The following TRHR variants were observed in gnomAD, a reference collection of about 807,000 sequenced individuals.
TRHR encodes the protein thyrotropin releasing hormone receptor.
In TRHR, 14 loss-of-function variants were observed where a neutral mutation model predicts 28.0. The ratio of observed to expected loss-of-function variants is 0.50; its 90% CI spans 0.33 to 0.78. The LOEUF (loss-of-function observed/expected upper bound fraction) is 0.78. Ranked by LOEUF, TRHR falls within the 30% of genes least tolerant of loss-of-function variation. The pLI, the probability that TRHR is intolerant of heterozygous loss-of-function variation, is 0.02. For missense variants in TRHR, 438 were observed against 469.5 expected (o/e 0.93, Z 0.62); for synonymous variants, 176 against 171.9 (o/e 1.02, Z -0.18).
In TRHR at chr8:109,119,299, C is replaced by A. The variant is rs779373913; in HGVS notation, c.1041C>A (p.Asn347Lys). Residue 347 changes from asparagine to lysine, a missense_variant, in exon 3 of 3, where the codon AAC becomes AAA. Transcript: ENST00000518632. ...AGAAGCCAACAGAGAAACCTGCTAA[C>A]TACAGTGTGGCCCTAAATTACAGCG... ...CKQKPTEKPANYSVALNYSVI... is the reference protein window; with the variant it reads ...CKQKPTEKPAKYSVALNYSVI... The A allele has an allele frequency of 6.2e-7, 1 of 1,612,732 alleles. No homozygotes were observed. The highest frequency in any genetic ancestry group is 1.7e-5 in the Admixed American group (1 of 59,860).
chr8:109,104,700 T>G lies in TRHR; in HGVS notation c.790-14348T>G, dbSNP rs1247560374. On this transcript the variant is annotated intron_variant, in intron 2 of 2. Transcript: ENST00000518632. The stretch of plus-strand genomic sequence containing the variant: ...ACAAATTCTAAAGATGAGGCAACAT[T>G]GCAGACTCTTCAGAGAGCATAGTTT... Among the ~76,000 whole-genome samples, 3 of 152,126 alleles carry G rather than the reference T, an allele frequency of 2.0e-5. No homozygotes were observed. The East Asian group carries it at 5.8e-4, about 29-fold the overall frequency.
Position 109,086,877 on chromosome 8 carries a change from G to A in TRHR, c.-95G>A, listed in dbSNP as rs1318826096. 1 of 155,200 alleles carries A rather than the reference G, an allele frequency of 6.4e-6. No homozygotes were observed. Among genetic ancestry groups the A allele is most frequent in the Non-Finnish European group, 1.4e-5 (1 of 70,122 alleles). The allele number at this position is 155,200 out of a possible 1,614,324, so 9.6% of individuals were successfully genotyped here. On this transcript the variant is annotated 5_prime_UTR_variant, in exon 1 of 3. Coordinates refer to ENST00000518632, the MANE Select transcript of TRHR (RefSeq NM_003301.7). ...CCAGAAAATCAGGCAGCGCTACAGA[G>A]GATAAGGTAAGAGAAGAAATTGTCC...
In TRHR at chr8:109,119,347, C is replaced by T. The variant is rs540395084; in HGVS notation, c.1089C>T (p.Phe363=). Residue 363 remains phenylalanine (F), a synonymous_variant, in exon 3 of 3, where the codon TTC becomes TTT. Coordinates refer to ENST00000518632, the MANE Select transcript of TRHR (RefSeq NM_003301.7). ...GCGTCATCAAGGAGTCAGACCATTT[C>T]AGCACAGAGCTTGATGATATCACTG... ...NYSVIKESDH[F]STELDDITVT... The T allele has an allele frequency of 2.5e-6, 4 of 1,612,324 alleles. No individual in the cohort carries two copies. Among genetic ancestry groups the T allele is most frequent in the Non-Finnish European group, 3.4e-6 (4 of 1,178,962 alleles).
intron 2 of TRHR, among the ~76,000 whole-genome samples, chr8:109,107,931 C>T (rs1324995155): frequency 6.6e-6 from 1 of 152,098 alleles, no homozygotes; most frequent in Admixed American, 6.6e-5. Flanking sequence ...TTTTGAGTAT[C>T]ATGTTTAGTT....
chr8:109,097,022 G>A (rs1811604350), intron 2 of TRHR, among the ~76,000 whole-genome samples: 1 of 152,110 alleles, frequency 6.6e-6, no homozygotes, highest in Non-Finnish European at 1.5e-5. Context: ...CAGTACGATG[G>A]TGATTGTGTT....
In TRHR at chr8:109,087,744, G is replaced by A. The variant is rs754288192; in HGVS notation, c.232G>A (p.Ala78Thr). 1.8e-5 allele frequency: 29 copies of A among 1,614,002 alleles called. No individual in the cohort carries two copies. Among genetic ancestry groups the A allele is most frequent in the Middle Eastern group, 1.6e-4 (1 of 6,084 alleles). Residue 78 changes from alanine (A) to threonine (T), a missense_variant, in exon 2 of 3, where the codon GCA (alanine) becomes ACA (threonine). Ala to Thr is a moderately conservative substitution (Grantham distance 58). Transcript: ENST00000518632. ...AVADLMVLVA[A>T]GLPNITDSIY... ...AGCTGATCTCATGGTCTTGGTGGCCGCAGGCCTCCCCAACATAACAGACAG... is the reference window on the plus strand; with the variant it reads ...AGCTGATCTCATGGTCTTGGTGGCCACAGGCCTCCCCAACATAACAGACAG...
chr8:109,088,245 C>G lies in TRHR; in HGVS notation c.733C>G (p.Leu245Val). ...TGATTCAACCCATCAGAACACAAAT[C>G]TGAATGTAAATACCTCTAATAGATG... ...KNDSTHQNTN[L>V]NVNTSNRCFN... Residue 245 changes from leucine (L) to valine (V), a missense_variant, in exon 2 of 3, where the codon CTG becomes GTG. By Grantham distance (32) the Leu-to-Val change is conservative. Coordinates refer to ENST00000518632, the MANE Select transcript of TRHR (RefSeq NM_003301.7). 6.2e-7 allele frequency: 1 copy of G among 1,614,026 alleles called. No individual in the cohort carries two copies. Among genetic ancestry groups the G allele is most frequent in the Non-Finnish European group, 8.5e-7 (1 of 1,180,022 alleles).
intron 2 of TRHR, among the ~76,000 whole-genome samples, chr8:109,112,286 T>C (rs1227133812): frequency 6.6e-6 from 1 of 152,170 alleles, no homozygotes; most frequent in Non-Finnish European, 1.5e-5. Context: ...GAATTTTTTC[T>C]GAATCAGTAC....
chr8:109,115,594 T>A (rs1177150557), intron 2 of TRHR, among the ~76,000 whole-genome samples: 1 of 152,160 alleles, frequency 6.6e-6, no homozygotes. Flanking sequence ...AATTCACTCA[T>A]GATTTGGCTG....
At chr8:109,087,328 T>C in intron 1 of TRHR, 97 bp from the exon 2 acceptor site, 4 of 673,612 alleles carry the variant, frequency 5.9e-6, no homozygotes, top group Non-Finnish European at 1.0e-5. Context: ...CATAGAAAAA[T>C]GGGAAGTGAA....
intron 2 of TRHR, among the ~76,000 whole-genome samples, chr8:109,117,150 G>T (rs1199277265): frequency 6.6e-6 from 1 of 151,954 alleles, no homozygotes; most frequent in Non-Finnish European, 1.5e-5. Flanking sequence ...TATAATTGAA[G>T]AATTTAAGTG....
intron 2 of TRHR, among the ~76,000 whole-genome samples, chr8:109,109,350 G>A (rs1038807945): frequency 4.6e-5 from 7 of 151,722 alleles, no homozygotes; most frequent in African/African-American, 1.5e-4. Flanking sequence ...TCAAAAGTGT[G>A]GCTTTTGATC....
chr8:109,108,439 T>C (rs1322483740), intron 2 of TRHR, among the ~76,000 whole-genome samples: 2 of 152,114 alleles, frequency 1.3e-5, no homozygotes, highest in Non-Finnish European at 2.9e-5. Context: ...ATATCTCCCC[T>C]GGGAAAGATC....
intron 2 of TRHR, among the ~76,000 whole-genome samples, chr8:109,096,855 C>T (rs10110464): frequency 0.033 from 5,017 of 151,966 alleles, 127 homozygotes; most frequent in Non-Finnish European, 0.053. Context: ...AGAGTTCATT[C>T]GTACGGACTT....
intron 2 of TRHR, among the ~76,000 whole-genome samples, chr8:109,113,715 T>C (rs1435692520): frequency 6.6e-6 from 1 of 152,144 alleles, no homozygotes; most frequent in Non-Finnish European, 1.5e-5. Flanking sequence ...ACTGTCTGCA[T>C]TGTGTTTACA....
At chr8:109,114,842 T>C (rs1586195756) in intron 2 of TRHR, among the ~76,000 whole-genome samples, 2 of 152,176 alleles carry the variant, frequency 1.3e-5, no homozygotes, top group East Asian at 1.9e-4. Flanking sequence ...TAATTGTTCA[T>C]CAGATTTAAG....
chr8:109,119,448 A>C lies in TRHR; in HGVS notation c.1190A>C (p.Gln397Pro), dbSNP rs981576280. ...TCLASEVSFS[Q>P]S ...TTGGCTTCTGAGGTATCCTTTAGCC[A>C]AAGTTGATTCATGAATTAGAAGAAA... The change falls in exon 3 of 3, where the codon CAA (glutamine) becomes CCA (proline). Residue 397 changes from glutamine to proline, a missense_variant. Physicochemically the swap from Gln to Pro is moderately conservative, Grantham distance 76. Transcript: ENST00000518632. The C allele has an allele frequency of 5.0e-6, 8 of 1,611,760 alleles. No homozygotes were observed. The highest frequency in any genetic ancestry group is 6.8e-6 in the Non-Finnish European group (8 of 1,178,896).
At chr8:109,100,566 T>C (rs1811663650) in intron 2 of TRHR, among the ~76,000 whole-genome samples, 1 of 152,298 alleles carries the variant, frequency 6.6e-6, no homozygotes, top group African/African-American at 2.4e-5. Context: ...TCTCCTCACC[T>C]ATGATTTAAT....
intron 2 of TRHR, among the ~76,000 whole-genome samples, chr8:109,117,749 T>G (rs1811941440): frequency 6.6e-6 from 1 of 151,982 alleles, no homozygotes; most frequent in Non-Finnish European, 1.5e-5. Context: ...ATATATTTTT[T>G]AAAGTCTACT....
Sources: gnomAD v4.1 joint callset for allele counts (sites outside exome capture counted in the v4.1 genomes callset) on GRCh38, gnomAD v4.1.1 for gene constraint, MANE v1.5 for transcripts, NCBI Gene and HGNC (gene_info 2026-07-23, HGNC 2026-07-21) for gene names.